GARNL3: variants seen among roughly 807,000 people sequenced by gnomAD.
The protein encoded by GARNL3 is GTPase-activating Rap/Ran-GAP domain-like protein 3.
In GARNL3, 63 loss-of-function variants were observed where a neutral mutation model predicts 125.0. The ratio of observed to expected loss-of-function variants is 0.50; its 90% CI spans 0.41 to 0.62. GARNL3 has a LOEUF of 0.62. Ranked by LOEUF, GARNL3 falls within the 20% of genes least tolerant of loss-of-function variation. The probability of loss-of-function intolerance (pLI) is 0.00; values close to 1 mark genes in which losing one functional copy is unlikely to be tolerated. For synonymous variants in GARNL3, 439 were observed against 457.5 expected (o/e 0.96, Z 0.52); for missense variants, 994 against 1,244.0 (o/e 0.80, Z 3.02).
At chr9:127,362,587 A>G (rs1364313086) in intron 21 of GARNL3, 1 of 152,308 alleles carries the variant, frequency 6.6e-6, no homozygotes, top group Non-Finnish European at 1.5e-5. Flanking sequence ...AGTCTGGCAG[A>G]GCAGACACGG....
At chr9:127,301,810 G>A (rs1481736951) in intron 2 of GARNL3, among the ~76,000 whole-genome samples, 1 of 151,776 alleles carries the variant, frequency 6.6e-6, no homozygotes, top group African/African-American at 2.4e-5. Context: ...ACCCCTGGGT[G>A]GATCACTGGG....
intron 2 of GARNL3, among the ~76,000 whole-genome samples, chr9:127,301,345 T>C (rs1309781822): frequency 1.3e-5 from 2 of 152,206 alleles, no homozygotes; most frequent in South Asian, 4.1e-4. Flanking sequence ...TGACTCATTA[T>C]GAACCTACAA....
chr9:127,360,501 ACTGT>A (rs1174697398), intron 21 of GARNL3, among the ~76,000 whole-genome samples: 1 of 152,156 alleles, frequency 6.6e-6, no homozygotes, highest in Non-Finnish European at 1.5e-5. Flanking sequence ...CAAGGAGGGT[ACTGT>A]CTGTCTGGGG....
At chr9:127,263,937 T>C, upstream of GARNL3, 1 of 1,514,274 alleles carries the variant, frequency 6.6e-7, no homozygotes. Context: ...AGTCTCTTTC[T>C]GCATGTGCCA....
upstream of GARNL3, chr9:127,264,002 ACTAAATG>A: frequency 6.6e-7 from 1 of 1,503,912 alleles, no homozygotes; most frequent in Non-Finnish European, 8.9e-7. Flanking sequence ...ATGAAAAGGT[ACTAAATG>A]CACCTTTCTT....
intron 2 of GARNL3, among the ~76,000 whole-genome samples, chr9:127,251,409 G>GTTTT (rs941755579): frequency 6.8e-6 from 1 of 146,734 alleles, no homozygotes; most frequent in African/African-American, 2.7e-5. Flanking sequence ...GTTTTGTTTT[G>GTTTT]TTTTTTTCAG....
At chr9:127,225,488 C>A in intron 1 of GARNL3, 1 of 543,198 alleles carries the variant, frequency 1.8e-6, no homozygotes, top group Non-Finnish European at 2.3e-6. Flanking sequence ...GGGGCGAGGC[C>A]GTGGCGTGGG....
chr9:127,278,127 G>A (rs905281709), intron 1 of GARNL3, among the ~76,000 whole-genome samples: 1 of 151,842 alleles, frequency 6.6e-6, no homozygotes, highest in East Asian at 1.9e-4. Flanking sequence ...ATATTTTTCC[G>A]ATTATGAAAG....
intron 5 of GARNL3, 145 bp from the exon 6 acceptor site, chr9:127,320,569 AC>A (rs1668671800): frequency 6.7e-6 from 4 of 597,442 alleles, no homozygotes; most frequent in Non-Finnish European, 1.2e-5. Flanking sequence ...GGTGTTGGTT[AC>A]TTTCATCTGT....
intron 22 of GARNL3, chr9:127,367,012 G>A (rs1406762231): frequency 6.6e-6 from 1 of 152,160 alleles, no homozygotes; most frequent in African/African-American, 2.4e-5. Flanking sequence ...CCAAGGTCAA[G>A]GCCCTGGCAA....
chr9:127,234,344 T>C (rs1011407897), intron 1 of GARNL3, among the ~76,000 whole-genome samples: 1 of 152,220 alleles, frequency 6.6e-6, no homozygotes, highest in African/African-American at 2.4e-5. Flanking sequence ...GAGTTAAAGA[T>C]CTTAAGAGAG....
At chr9:127,295,318 G>A (rs1040672048) in intron 2 of GARNL3, among the ~76,000 whole-genome samples, 2 of 152,248 alleles carry the variant, frequency 1.3e-5, no homozygotes, top group African/African-American at 4.8e-5. Context: ...TCCTGCCTTA[G>A]AGTTCATCTG....
chr9:127,375,233 C>T (rs984170346), intron 22 of GARNL3, among the ~76,000 whole-genome samples: 1 of 152,106 alleles, frequency 6.6e-6, no homozygotes, highest in Non-Finnish European at 1.5e-5. Flanking sequence ...GAGGCCAAGG[C>T]AGGCAGATCA....
At chr9:127,375,895 T>C (rs770969508) in intron 22 of GARNL3, among the ~76,000 whole-genome samples, 2 of 152,234 alleles carry the variant, frequency 1.3e-5, no homozygotes, top group Non-Finnish European at 2.9e-5. Context: ...AAGAAGCATG[T>C]GAGTGCACCA....
At chr9:127,289,047 C>CT (rs2131363135) in intron 1 of GARNL3, among the ~76,000 whole-genome samples, 1 of 152,350 alleles carries the variant, frequency 6.6e-6, no homozygotes, top group East Asian at 1.9e-4. Flanking sequence ...CAGTAACACT[C>CT]TACCTGAAAT....
chr9:127,246,009 T>G (rs565636717), intron 2 of GARNL3, among the ~76,000 whole-genome samples: 2 of 152,124 alleles, frequency 1.3e-5, no homozygotes, highest in East Asian at 3.9e-4. Flanking sequence ...ACCAATGAAG[T>G]TGACCAAGCA....
chr9:127,391,407 G>A (rs1364723529), intron 27 of GARNL3, among the ~76,000 whole-genome samples: 16 of 144,636 alleles, frequency 1.1e-4, no homozygotes, highest in Admixed American at 6.2e-4. Flanking sequence ...TAAAAATGCT[G>A]GCTAGGCATG....
chr9:127,283,460 T>G (rs553944734), intron 1 of GARNL3, among the ~76,000 whole-genome samples: 92 of 152,250 alleles, frequency 6.0e-4, no homozygotes, highest in Non-Finnish European at 1.2e-3. Flanking sequence ...CACTTGAGAC[T>G]AAGAGTTCGA....
chr9:127,231,221 A>ATTTT (rs754935724), intron 1 of GARNL3, among the ~76,000 whole-genome samples: 3 of 66,088 alleles, frequency 4.5e-5, no homozygotes, highest in African/African-American at 1.1e-4. Context: ...CGCCCAGCTA[A>ATTTT]TTTTTTGTTT....
Sources: allele counts gnomAD v4.1 joint callset (sites outside exome capture counted in the v4.1 genomes callset), GRCh38; gene constraint gnomAD v4.1.1; transcripts MANE v1.5; gene names NCBI Gene and HGNC (gene_info 2026-07-23, HGNC 2026-07-21).